The following MYO9A variants were observed in gnomAD, a reference collection of about 807,000 sequenced individuals.
MYO9A encodes unconventional myosin-IXa.
In MYO9A, 103 loss-of-function variants were observed where a neutral mutation model predicts 293.3. The ratio of observed to expected loss-of-function variants is 0.35; its 90% CI spans 0.30 to 0.41. MYO9A has a LOEUF of 0.41. Ranked by LOEUF, MYO9A falls within the 10% of genes least tolerant of loss-of-function variation. The pLI, the probability that MYO9A is intolerant of heterozygous loss-of-function variation, is 1.00. For missense variants in MYO9A, 2,685 were observed against 3,033.0 expected (o/e 0.89, Z 2.69); for synonymous variants, 1,001 against 1,035.7 (o/e 0.97, Z 0.64).
intron 2 of MYO9A, among the ~76,000 whole-genome samples, chr15:72,037,385 C>G (rs1026643936): frequency 6.6e-6 from 1 of 151,780 alleles, no homozygotes; most frequent in Non-Finnish European, 1.5e-5. Context: ...CGAGCATGCA[C>G]AGCACTGCAC....
intron 21 of MYO9A, 54 bp from the exon 22 acceptor site, chr15:71,903,117 G>C (rs1348754886): frequency 4.4e-6 from 6 of 1,378,974 alleles, no homozygotes; most frequent in Non-Finnish European, 6.0e-6. Flanking sequence ...ATGTAAACAA[G>C]ACCTTAAACT....
intron 1 of MYO9A, among the ~76,000 whole-genome samples, chr15:72,049,715 T>C (rs1166144871): frequency 6.6e-6 from 1 of 152,244 alleles, no homozygotes; most frequent in Non-Finnish European, 1.5e-5. Flanking sequence ...CTAAACTGCA[T>C]GCTCCTTATG....
chr15:71,919,970 T>C (rs975348278), intron 18 of MYO9A, among the ~76,000 whole-genome samples: 8 of 151,948 alleles, frequency 5.3e-5, no homozygotes, highest in African/African-American at 1.9e-4. Context: ...TTCAGAGTCA[T>C]TACTAAAGGT....
chr15:71,893,302 A>C, intron 26 of MYO9A: 1 of 695,484 alleles, frequency 1.4e-6, no homozygotes, highest in Non-Finnish European at 2.0e-6. Context: ...CCACCCAACC[A>C]TGCCCTTTCC....
At chr15:71,844,980 G>GAATAAT (rs1467138319) in intron 39 of MYO9A, among the ~76,000 whole-genome samples, 1 of 152,176 alleles carries the variant, frequency 6.6e-6, no homozygotes, top group Non-Finnish European at 1.5e-5. Flanking sequence ...TATCTAGACA[G>GAATAAT]AATAATAATA....
intron 1 of MYO9A, among the ~76,000 whole-genome samples, chr15:72,070,371 T>G (rs1389558042): frequency 6.6e-6 from 1 of 151,652 alleles, no homozygotes; most frequent in African/African-American, 2.4e-5. Context: ...GGAGAATCAC[T>G]TGAACCGGAA....
chr15:71,824,590 C>T lies in MYO9A; in HGVS notation c.*1990G>A, dbSNP rs1424233559. 6.6e-6 allele frequency: 1 copy of T among 152,212 alleles called. No homozygotes were observed. The highest frequency in any genetic ancestry group is 2.4e-5 in the African/African-American group (1 of 41,428). 9.4% of individuals were successfully genotyped at this position (152,212 alleles called of 1,614,324 possible). A position where few individuals can be genotyped will look rare whatever the true frequency, so the allele number is the denominator to read the frequency against. On this transcript the variant is annotated 3_prime_UTR_variant, in exon 42 of 42. Coordinates refer to ENST00000356056, the MANE Select transcript of MYO9A (RefSeq NM_006901.4). ...GAACCAGCAATCCCACTCTAACACACCATGCTGAGGGGTTTTCCTCTATCC... is the reference window on the plus strand; with the variant it reads ...GAACCAGCAATCCCACTCTAACACATCATGCTGAGGGGTTTTCCTCTATCC...
Position 71,826,396 on chromosome 15 carries a change from C to G in MYO9A, c.*184G>C, listed in dbSNP as rs2140414229. ...AGCCAAGGCACAGCTGGCACCATCC[C>G]CAGCAGGCTTTCTGCTTCTGCAGGA... On this transcript the variant is annotated 3_prime_UTR_variant, in exon 42 of 42. Transcript: ENST00000356056. 2 of 592,828 alleles carry G rather than the reference C, an allele frequency of 3.4e-6. No individual in the cohort carries two copies. Among genetic ancestry groups the G allele is most frequent in the Middle Eastern group, 4.5e-4 (1 of 2,214 alleles). The allele number at this position is 592,828 out of a possible 1,614,324, so 36.7% of individuals were successfully genotyped here.
chr15:72,100,953 C>T (rs1177146419), intron 1 of MYO9A, among the ~76,000 whole-genome samples: 3 of 132,286 alleles, frequency 2.3e-5, no homozygotes, highest in East Asian at 2.5e-4. Flanking sequence ...CCAGCCGCCG[C>T]GTCCCGGAGG....
chr15:72,008,749 C>T (rs1404245701), intron 7 of MYO9A, among the ~76,000 whole-genome samples: 1 of 152,158 alleles, frequency 6.6e-6, no homozygotes. Context: ...TATCTGACAT[C>T]TCAGAGGCAT....
chr15:71,869,141 A>C (rs1190603544), intron 32 of MYO9A, among the ~76,000 whole-genome samples: 1 of 152,246 alleles, frequency 6.6e-6, no homozygotes, highest in Non-Finnish European at 1.5e-5. Flanking sequence ...TAACAAAACT[A>C]GTAAGAGTTT....
chr15:71,999,271 A>G (rs950797421), intron 9 of MYO9A, among the ~76,000 whole-genome samples: 11 of 151,858 alleles, frequency 7.2e-5, no homozygotes, highest in Non-Finnish European at 1.5e-4. Context: ...TCCTGCCCCT[A>G]TAGATCTGAG....
intron 1 of MYO9A, among the ~76,000 whole-genome samples, chr15:72,099,520 C>G (rs1288986890): frequency 4.0e-5 from 6 of 151,034 alleles, no homozygotes; most frequent in South Asian, 4.2e-4. Context: ...TAGAATCACT[C>G]GAGCCTGGGA....
intron 18 of MYO9A, among the ~76,000 whole-genome samples, chr15:71,927,439 T>C (rs1274936925): frequency 6.6e-6 from 1 of 152,182 alleles, no homozygotes; most frequent in African/African-American, 2.4e-5. Context: ...GCCAGACCAA[T>C]GTCATAGAGT....
At chr15:72,020,179 T>C (rs566746923) in intron 5 of MYO9A, among the ~76,000 whole-genome samples, 1 of 152,228 alleles carries the variant, frequency 6.6e-6, no homozygotes, top group Non-Finnish European at 1.5e-5. Flanking sequence ...CCGTAGACAT[T>C]ACATCTTGCC....
At chr15:72,068,885 T>C (rs1479413332) in intron 1 of MYO9A, among the ~76,000 whole-genome samples, 1 of 152,222 alleles carries the variant, frequency 6.6e-6, no homozygotes, top group Non-Finnish European at 1.5e-5. Flanking sequence ...ATTTACTGTA[T>C]GTTTTAATCA....
At chr15:71,871,689 GAA>G (rs1219443485) in intron 32 of MYO9A, among the ~76,000 whole-genome samples, 3 of 73,640 alleles carry the variant, frequency 4.1e-5, no homozygotes, top group South Asian at 4.2e-4. Flanking sequence ...GTCTCAAAAA[GAA>G]AAAAAAAAAA....
At chr15:72,074,468 T>A (rs542973097) in intron 1 of MYO9A, among the ~76,000 whole-genome samples, 2 of 152,160 alleles carry the variant, frequency 1.3e-5, no homozygotes, top group African/African-American at 4.8e-5. Flanking sequence ...GAAAAAGCCC[T>A]TTCTAGGCTA....
At chr15:72,026,189 C>T (rs1026614623) in intron 4 of MYO9A, among the ~76,000 whole-genome samples, 3 of 141,136 alleles carry the variant, frequency 2.1e-5, no homozygotes, top group Non-Finnish European at 4.6e-5. Context: ...AGGAGAATGG[C>T]GTGAACCCAG....
Sources: gnomAD v4.1 joint callset for allele counts (sites outside exome capture counted in the v4.1 genomes callset) on GRCh38, gnomAD v4.1.1 for gene constraint, MANE v1.5 for transcripts, NCBI Gene and HGNC (gene_info 2026-07-23, HGNC 2026-07-21) for gene names.